Variants in TMEM232 observed in about 807,000 individuals in gnomAD.
The protein encoded by TMEM232 is transmembrane protein 232.
In TMEM232, 80 loss-of-function variants were observed where a neutral mutation model predicts 78.8. The observed-to-expected ratio is 1.01, with a 90% CI of 0.85 to 1.22. The LOEUF is 1.22. Ranked by LOEUF, TMEM232 falls within the 50% of genes most tolerant of loss-of-function variation. TMEM232 has a pLI of 0.00. For synonymous variants in TMEM232, 297 were observed against 254.3 expected, an observed-to-expected ratio of 1.17 and a Z score of -1.60; for missense variants, 881 against 742.2, an observed-to-expected ratio of 1.19 and a Z score of -2.17.
chr5:110,693,741 G>A (rs565821736), intron 1 of TMEM232, among the ~76,000 whole-genome samples: 1 of 152,154 alleles, frequency 6.6e-6, no homozygotes, highest in South Asian at 2.1e-4. Flanking sequence ...AAGCAAGAAG[G>A]GAAGTTTAGA....
At chr5:110,532,719 C>T (rs1271634902) in intron 11 of TMEM232, among the ~76,000 whole-genome samples, 3 of 152,066 alleles carry the variant, frequency 2.0e-5, no homozygotes, top group African/African-American at 7.2e-5. Context: ...TTGTATCCCC[C>T]CACCTTAACA....
rs138692265 is a variant in TMEM232, at chr5:110,692,257, G to A, written c.-12-24893C>T. On this transcript the variant is annotated intron_variant, in intron 1 of 13. Transcript: ENST00000455884. ...TGCACTGACTGAGTCTGTGTTTCCC[G>A]AGCTATTAGTCCTCAAACTTGGATC... Among the ~76,000 whole-genome samples the A allele has an allele frequency of 3.2e-3, 485 of 152,198 alleles. 1 individual carries two copies. The highest frequency in any genetic ancestry group is 0.011 in the African/African-American group (464 of 41,510).
At chr5:110,615,987 G>T (rs1434462266) in intron 8 of TMEM232, among the ~76,000 whole-genome samples, 1 of 151,962 alleles carries the variant, frequency 6.6e-6, no homozygotes, top group Non-Finnish European at 1.5e-5. Context: ...TTGATAAAAT[G>T]TCCATACTAC....
At chr5:110,474,924 T>C (rs899152467) in intron 12 of TMEM232, among the ~76,000 whole-genome samples, 1 of 152,024 alleles carries the variant, frequency 6.6e-6, no homozygotes, top group Non-Finnish European at 1.5e-5. Context: ...AAAAGATACA[T>C]ATTTTTCAAT....
upstream of TMEM232, among the ~76,000 whole-genome samples, chr5:110,729,867 T>C (rs1489783082): frequency 2.0e-5 from 3 of 152,194 alleles, no homozygotes; most frequent in African/African-American, 7.2e-5. Context: ...ACAAATTGAG[T>C]TTCTGTTATC....
chr5:110,733,373 A>C (rs1420580579), intron 2 of TMEM232, among the ~76,000 whole-genome samples: 1 of 152,198 alleles, frequency 6.6e-6, no homozygotes, highest in Admixed American at 6.5e-5. Context: ...AAATCATTCT[A>C]CAATAAAGAC....
At chr5:110,493,933 C>G (rs916990358) in intron 12 of TMEM232, among the ~76,000 whole-genome samples, 7 of 151,894 alleles carry the variant, frequency 4.6e-5, no homozygotes, top group Non-Finnish European at 8.8e-5. Context: ...CCTTCCCTAG[C>G]CCCCCACCCA....
chr5:110,456,275 A>C (rs1489204291), intron 12 of TMEM232, among the ~76,000 whole-genome samples: 1 of 152,040 alleles, frequency 6.6e-6, no homozygotes, highest in Non-Finnish European at 1.5e-5. Context: ...CTAGCATTTA[A>C]TAATTAGAAA....
chr5:110,505,645 T>C (rs1270549784), intron 12 of TMEM232, among the ~76,000 whole-genome samples: 1 of 152,114 alleles, frequency 6.6e-6, no homozygotes, highest in Non-Finnish European at 1.5e-5. Flanking sequence ...CAGCTGGAAC[T>C]ACAGAAGTGC....
intron 12 of TMEM232, among the ~76,000 whole-genome samples, chr5:110,496,974 A>T (rs1765712453): frequency 6.6e-6 from 1 of 152,056 alleles, no homozygotes; most frequent in Non-Finnish European, 1.5e-5. Context: ...AAACAGAAAA[A>T]GGAATTAAAT....
rs1561470563 is a variant in TMEM232 at position 110,420,698 on chromosome 5, A to C, written c.1856T>G (p.Leu619Arg). Residue 619 changes from leucine (L) to arginine (R), a missense_variant, in exon 14 of 14, where the codon CTT becomes CGT. Physicochemically the swap from Leu to Arg is moderately radical, Grantham distance 102. Coordinates refer to ENST00000455884, the MANE Select transcript of TMEM232 (RefSeq NM_001039763.4). ...KEDAICKAQE[L>R]KDKKLAEKNH... ...TTTCTCTGCTAACTTTTTATCTTTA[A>C]GTTCTTGGGCCTTGCATATTGCATC... 4.6e-6 allele frequency: 7 copies of C among 1,526,676 alleles called. No individual in the cohort carries two copies. Among genetic ancestry groups the C allele is most frequent in the African/African-American group, 1.4e-5 (1 of 72,118 alleles). The allele number at this position is 1,526,676 out of a possible 1,614,324, so 94.6% of individuals were successfully genotyped here. A position where few individuals can be genotyped will look rare whatever the true frequency, so the allele number is the denominator to read the frequency against.
At chr5:110,541,137 T>C (rs964639181) in intron 11 of TMEM232, among the ~76,000 whole-genome samples, 2 of 152,176 alleles carry the variant, frequency 1.3e-5, no homozygotes, top group Non-Finnish European at 2.9e-5. Context: ...ATAAAAACCC[T>C]GCCTGACTCT....
chr5:110,641,524 C>T (rs1021725437), intron 3 of TMEM232, among the ~76,000 whole-genome samples: 22 of 152,088 alleles, frequency 1.4e-4, no homozygotes, highest in Non-Finnish European at 2.2e-4. Flanking sequence ...GATGAATGCA[C>T]CTCCTGGCAC....
At chr5:110,639,799 C>T (rs1476180873) in intron 4 of TMEM232, among the ~76,000 whole-genome samples, 1 of 152,240 alleles carries the variant, frequency 6.6e-6, no homozygotes, top group African/African-American at 2.4e-5. Context: ...ACAAGGAGCA[C>T]CGCAGCCTAG....
chr5:110,486,762 T>G (rs1168723960), intron 12 of TMEM232, among the ~76,000 whole-genome samples: 1 of 152,110 alleles, frequency 6.6e-6, no homozygotes, highest in Non-Finnish European at 1.5e-5. Context: ...GCCTCCAGAT[T>G]TGTTCTTTTT....
At chr5:110,526,639 C>T (rs61234285) in intron 12 of TMEM232, among the ~76,000 whole-genome samples, 6,157 of 151,972 alleles carry the variant, frequency 0.041, 202 homozygotes, top group African/African-American at 0.086. Context: ...CTGAAAGGCA[C>T]TGGAAATATG....
chr5:110,614,863 G>A (rs778366787), intron 8 of TMEM232, among the ~76,000 whole-genome samples: 8 of 151,892 alleles, frequency 5.3e-5, no homozygotes, highest in Non-Finnish European at 8.8e-5. Flanking sequence ...AACCTAATTT[G>A]CACCAATGAG....
chr5:110,624,624 A>G (rs1561407325), intron 7 of TMEM232, among the ~76,000 whole-genome samples: 2 of 152,132 alleles, frequency 1.3e-5, no homozygotes, highest in Admixed American at 1.3e-4. Context: ...AGAAGGCTCA[A>G]TTTACTCAGT....
At chr5:110,587,101 C>A (rs1473619590) in intron 10 of TMEM232, among the ~76,000 whole-genome samples, 1 of 151,974 alleles carries the variant, frequency 6.6e-6, no homozygotes, top group Non-Finnish European at 1.5e-5. Context: ...ACAATTCATC[C>A]ATTTTAAATA....
Sources: allele counts gnomAD v4.1 joint callset (sites outside exome capture counted in the v4.1 genomes callset), GRCh38; gene constraint gnomAD v4.1.1; transcripts MANE v1.5; gene names NCBI Gene and HGNC (gene_info 2026-07-23, HGNC 2026-07-21).